Variants in NUP188 observed in about 807,000 individuals in gnomAD.
NUP188 encodes nucleoporin NUP188.
Under a neutral mutation model 223.0 loss-of-function variants are expected in NUP188, and 97 were observed. The observed-to-expected ratio is 0.43, with a 90% confidence interval of 0.37 to 0.51. The LOEUF (loss-of-function observed/expected upper bound fraction) is 0.51. Ranked by LOEUF, NUP188 falls within the 20% of genes least tolerant of loss-of-function variation. The probability of loss-of-function intolerance (pLI) is 0.00; values close to 1 mark genes in which losing one functional copy is unlikely to be tolerated. For synonymous variants in NUP188, 869 were observed against 828.0 expected, an observed-to-expected ratio of 1.05 and a Z score of -0.85; for missense variants, 1,947 against 2,175.6, an observed-to-expected ratio of 0.89 and a Z score of 2.09.
rs904356553 is a variant in NUP188, at chr9:128,947,757, G to T, written c.32+6G>T. On this transcript the variant is annotated splice_donor_region_variant and intron_variant, in intron 1 of 43. Coordinates refer to ENST00000372577, the MANE Select transcript of NUP188 (RefSeq NM_015354.3). Reference sequence around the variant, plus strand: ...GCCGGCGGGCCGTGTGTGAGGTGCGGAGCGGGTCGAATGGACCGGGGTGGC... The same window carrying T: ...GCCGGCGGGCCGTGTGTGAGGTGCGTAGCGGGTCGAATGGACCGGGGTGGC... 6.9e-7 allele frequency: 1 copy of T among 1,459,594 alleles called. No individual in the cohort carries two copies. The highest frequency in any genetic ancestry group is 1.3e-5 in the South Asian group (1 of 74,322). 90.4% of individuals were successfully genotyped at this position (1,459,594 alleles called of 1,614,324 possible).
intron 1 of NUP188, chr9:128,948,346 G>T (rs1841721741): frequency 3.3e-5 from 5 of 152,294 alleles, no homozygotes; most frequent in Admixed American, 3.3e-4. Context: ...AGATTTCAGG[G>T]ATTGAACTAG....
intron 8 of NUP188, among the ~76,000 whole-genome samples, chr9:128,963,870 G>T (rs1485434532): frequency 2.0e-5 from 3 of 150,734 alleles, no homozygotes; most frequent in African/African-American, 7.3e-5. Context: ...AGGGTGGAGT[G>T]CAGTGGCACG....
At position 128,993,184 on chromosome 9, in the gene NUP188, CG is replaced by C; in HGVS notation, c.2641-11del. On this transcript the variant is annotated splice_polypyrimidine_tract_variant and intron_variant, in intron 25 of 43. Coordinates refer to ENST00000372577, the MANE Select transcript of NUP188 (RefSeq NM_015354.3). The stretch of plus-strand genomic sequence containing the variant: ...AGCAGAGCTCTAAGCCTGTGTGTTC[CG>C]GTCTCCACCAGGTGGCCCCAATGTC... 6.2e-7 allele frequency: 1 copy of C among 1,610,424 alleles called. No individual in the cohort carries two copies. Among genetic ancestry groups the C allele is most frequent in the Non-Finnish European group, 8.5e-7 (1 of 1,176,720 alleles).
chr9:128,980,786 G>A (rs1842243502), intron 14 of NUP188, 61 bp downstream of exon 14: 2 of 1,570,606 alleles, frequency 1.3e-6, no homozygotes, highest in Admixed American at 1.8e-5. Context: ...ACTTTATTAG[G>A]AATCTTTTTT....
chr9:128,998,082 C>A lies in NUP188; in HGVS notation c.3352-69C>A. ...CAATGACTAATTGCCTAGCAGAGGA[C>A]CCCATGTTTCTTGGCCTCTAAAATC... is the stretch of plus-strand genomic sequence containing the variant. On this transcript the variant is annotated intron_variant, in intron 30 of 43. Transcript: ENST00000372577. 8.7e-6 allele frequency: 9 copies of A among 1,032,200 alleles called. 1 individual carries two copies. In the South Asian group the frequency reaches 1.0e-4, roughly 12 times the overall value. The allele number at this position is 1,032,200 out of a possible 1,614,324, so 63.9% of individuals were successfully genotyped here.
In NUP188 at chr9:129,001,777, G is replaced by A. The variant is rs1354336627; in HGVS notation, c.4044+48G>A. On this transcript the variant is annotated intron_variant, in intron 35 of 43. Coordinates refer to ENST00000372577, the MANE Select transcript of NUP188 (RefSeq NM_015354.3). ...GGAGGGAGCGTCCTTGCTTGCCTGG[G>A]TGGGTTCTGACAATCCCAGAAGCTG... 2.5e-6 allele frequency: 4 copies of A among 1,605,232 alleles called. No homozygotes were observed. In the South Asian group the frequency reaches 3.3e-5, roughly 13 times the overall value.
chr9:128,950,246 C>T (rs1841763200), intron 2 of NUP188, among the ~76,000 whole-genome samples: 2 of 151,156 alleles, frequency 1.3e-5, no homozygotes, highest in African/African-American at 4.9e-5. Context: ...GTTGTTGAGA[C>T]AGAGTCTGGC....
chr9:129,001,864 CTG>C lies in NUP188; in HGVS notation c.4045-18_4045-17del, dbSNP rs1291465005. On this transcript the variant is annotated intron_variant, in intron 35 of 43. Coordinates refer to ENST00000372577, the MANE Select transcript of NUP188 (RefSeq NM_015354.3). ...GCAGGGGCAGGCTCCATCTCATTTC[CTG>C]TCTTTCCCTCCTCCCAGGGAGCCAC... 6.2e-7 allele frequency: 1 copy of C among 1,611,912 alleles called. No individual in the cohort carries two copies. The highest frequency in any genetic ancestry group is 1.3e-5 in the African/African-American group (1 of 74,874).
chr9:128,983,585 C>T (rs1376160581), intron 19 of NUP188, 35 bp downstream of exon 19: 5 of 1,371,326 alleles, frequency 3.6e-6, no homozygotes, highest in Non-Finnish European at 5.2e-6. Flanking sequence ...GCCATATTCC[C>T]TAGTGAGAAC....
At chr9:128,986,739 C>A (rs1785776593) in intron 21 of NUP188, 61 bp downstream of exon 21, 1 of 1,613,108 alleles carries the variant, frequency 6.2e-7, no homozygotes. Context: ...GAGCTTTTTT[C>A]TTTCCCTTTC....
chr9:128,988,975 G>C (rs954692152), intron 24 of NUP188, among the ~76,000 whole-genome samples: 1 of 151,848 alleles, frequency 6.6e-6, no homozygotes, highest in African/African-American at 2.4e-5. Flanking sequence ...GGCTGGTCTC[G>C]AACTCCTGAC....
At chr9:129,002,441 C>T (rs1842687809) in intron 36 of NUP188, among the ~76,000 whole-genome samples, 1 of 152,218 alleles carries the variant, frequency 6.6e-6, no homozygotes, top group South Asian at 2.1e-4. Flanking sequence ...TAACAGATAC[C>T]TCCTAATTTC....
chr9:128,975,495 T>TA (rs1327843470), intron 12 of NUP188, among the ~76,000 whole-genome samples: 6 of 152,064 alleles, frequency 3.9e-5, no homozygotes, highest in Non-Finnish European at 8.8e-5. Flanking sequence ...GTGCTAGGAT[T>TA]ACAGGCGTGA....
intron 12 of NUP188, among the ~76,000 whole-genome samples, chr9:128,978,088 T>G (rs2131162405): frequency 6.6e-6 from 1 of 152,144 alleles, no homozygotes. Context: ...CCCAGAGTTC[T>G]TGGCTGGGCA....
In NUP188 at chr9:128,973,156, C is replaced by G. The variant is rs1588277252; in HGVS notation, c.1114-4C>G. Reference sequence around the variant, plus strand: ...ATGATTCACTGACTCCTTTGTCATTCCAGTGCACCACCAGCACTGCATGCA... The same window carrying G: ...ATGATTCACTGACTCCTTTGTCATTGCAGTGCACCACCAGCACTGCATGCA... On this transcript the variant is annotated splice_region_variant and splice_polypyrimidine_tract_variant and intron_variant, in intron 11 of 43. Transcript: ENST00000372577. The G allele has an allele frequency of 6.2e-7, 1 of 1,604,108 alleles. No individual in the cohort carries two copies. The highest frequency in any genetic ancestry group is 1.3e-5 in the African/African-American group (1 of 74,764).
chr9:128,987,982 A>G (rs1261025585), intron 23 of NUP188, 65 bp from the exon 24 acceptor site: 1 of 1,536,310 alleles, frequency 6.5e-7, no homozygotes, highest in Non-Finnish European at 9.0e-7. Context: ...AATTCATGAG[A>G]GCACATATAT....
intron 6 of NUP188, among the ~76,000 whole-genome samples, chr9:128,958,325 T>C (rs1428977896): frequency 1.3e-5 from 2 of 152,234 alleles, no homozygotes; most frequent in Non-Finnish European, 2.9e-5. Flanking sequence ...GATTAATTTG[T>C]ATTTCTTTAT....
At chr9:128,951,497 C>A (rs1454997390) in intron 2 of NUP188, among the ~76,000 whole-genome samples, 1 of 151,894 alleles carries the variant, frequency 6.6e-6, no homozygotes, top group African/African-American at 2.4e-5. Context: ...ACAAAGAAAA[C>A]TTCACCACAA....
At chr9:128,967,926 T>G (rs2131152784) in intron 8 of NUP188, among the ~76,000 whole-genome samples, 1 of 152,100 alleles carries the variant, frequency 6.6e-6, no homozygotes, top group South Asian at 2.1e-4. Context: ...GTACTCTGGG[T>G]GTACTCTGGG....
Sources: gnomAD v4.1 joint callset for allele counts (sites outside exome capture counted in the v4.1 genomes callset) on GRCh38, gnomAD v4.1.1 for gene constraint, MANE v1.5 for transcripts, NCBI Gene and HGNC (gene_info 2026-07-23, HGNC 2026-07-21) for gene names.